Variants in SIRT1 observed in about 807,000 individuals in gnomAD.
SIRT1 encodes the protein sirtuin 1.
A neutral mutation model predicts 67.9 loss-of-function variants in SIRT1; 24 were observed. The ratio of observed to expected loss-of-function variants is 0.35; its 90% CI spans 0.26 to 0.50. The LOEUF is 0.50. Ranked by LOEUF, SIRT1 falls within the 20% of genes least tolerant of loss-of-function variation. The pLI is 0.98. For missense variants in SIRT1, 873 were observed against 937.2 expected (o/e 0.93, Z 0.89); for synonymous variants, 378 against 350.7 (o/e 1.08, Z -0.87).
intron 1 of SIRT1, among the ~76,000 whole-genome samples, chr10:67,887,125 G>C (rs1589066818): frequency 1.3e-5 from 2 of 152,146 alleles, no homozygotes; most frequent in South Asian, 4.1e-4. Context: ...GCCTGCCTCG[G>C]CCTCCCAAAG....
intron 7 of SIRT1, among the ~76,000 whole-genome samples, chr10:67,911,704 T>TCTTC (rs1162403789): frequency 3.6e-5 from 5 of 140,256 alleles, no homozygotes; most frequent in Non-Finnish European, 7.7e-5. Context: ...TCCCGTCCGT[T>TCTTC]CTTCCTTCCT....
intron 6 of SIRT1, among the ~76,000 whole-genome samples, chr10:67,908,492 G>A (rs1347476425): frequency 6.6e-6 from 1 of 152,066 alleles, no homozygotes; most frequent in African/African-American, 2.4e-5. Flanking sequence ...CATGTTCATT[G>A]CCAAAAAATA....
rs201854199 is a variant in SIRT1, at chr10:67,916,519, C to G, written c.2170C>G (p.Gln724Glu). The G allele has an allele frequency of 1.4e-5, 23 of 1,614,072 alleles. No homozygotes were observed. The Middle Eastern group carries it at 2.1e-3, about 150-fold the overall frequency. Residue 724 changes from glutamine (Q) to glutamate (E), a missense_variant, in exon 9 of 9, where the codon CAA (glutamine) becomes GAA (glutamate). This residue lies in a region of SIRT1 where 295 missense variants were observed against 294.5 expected (regional missense o/e 1.00). Coordinates refer to ENST00000212015, the MANE Select transcript of SIRT1 (RefSeq NM_012238.5). ...GAGFGTDGDD[Q>E]EAINEAISVK... ...TGGATTTGGGACTGATGGAGATGAT[C>G]AAGAGGCAATTAATGAAGCTATATC...
At chr10:67,885,578 G>GT (rs1373813891) in intron 1 of SIRT1, among the ~76,000 whole-genome samples, 1 of 117,618 alleles carries the variant, frequency 8.5e-6, no homozygotes, top group Non-Finnish European at 1.9e-5. Flanking sequence ...GTTGGTCTGC[G>GT]TTTTCAATTG....
rs1233941716 is a variant in SIRT1 at position 67,917,528 on chromosome 10, A to G, written c.*935A>G. 2 of 152,608 alleles carry G rather than the reference A, an allele frequency of 1.3e-5. No individual in the cohort carries two copies. Among genetic ancestry groups the G allele is most frequent in the Admixed American group, 1.3e-4 (2 of 15,272 alleles). The allele number at this position is 152,608 out of a possible 1,614,324, so 9.5% of individuals were successfully genotyped here. Reference sequence around the variant, plus strand: ...GCAAAGCCTTTCTGAATCTATAATAATGGTACTTCTACTGGGGAGAGTGTA... The same window carrying G: ...GCAAAGCCTTTCTGAATCTATAATAGTGGTACTTCTACTGGGGAGAGTGTA... On this transcript the variant is annotated 3_prime_UTR_variant, in exon 9 of 9. Transcript: ENST00000212015.
At chr10:67,912,359 T>C in intron 7 of SIRT1, 115 bp from the exon 8 acceptor site, 2 of 900,368 alleles carry the variant, frequency 2.2e-6, no homozygotes, top group Admixed American at 2.7e-5. Flanking sequence ...ATGGGTCTTT[T>C]TTGGGAATTT....
intron 4 of SIRT1, among the ~76,000 whole-genome samples, chr10:67,897,165 A>G (rs1305543253): frequency 2.0e-5 from 3 of 152,088 alleles, no homozygotes; most frequent in Non-Finnish European, 4.4e-5. Context: ...CAAAAAAAAA[A>G]GAAATTACTC....
chr10:67,909,227 T>C (rs1276104527), intron 6 of SIRT1, 29 bp from the exon 7 acceptor site: 18 of 1,540,528 alleles, frequency 1.2e-5, no homozygotes, highest in Non-Finnish European at 1.3e-5. Context: ...TTTGCTTCTC[T>C]ACCTCAACCA....
intron 4 of SIRT1, among the ~76,000 whole-genome samples, chr10:67,904,901 G>T (rs1240510311): frequency 6.6e-6 from 1 of 150,568 alleles, no homozygotes; most frequent in African/African-American, 2.4e-5. Flanking sequence ...CTTATGATTT[G>T]TCTTAAAGGT....
At chr10:67,898,112 T>C (rs1157797604) in intron 4 of SIRT1, among the ~76,000 whole-genome samples, 2 of 150,422 alleles carry the variant, frequency 1.3e-5, no homozygotes, top group African/African-American at 4.9e-5. Flanking sequence ...ATACAAAAAT[T>C]AGATGGATGT....
In SIRT1 at chr10:67,918,138, CATG is replaced by C. The variant is rs1394747259; in HGVS notation, c.*1549_*1551del. ...TGCAGTATATTTAGTTTTCCATTTG[CATG>C]ATGTTTGTGTGCTATAGATGATATT... is the stretch of plus-strand genomic sequence containing the variant. On this transcript the variant is annotated 3_prime_UTR_variant, in exon 9 of 9. Transcript: ENST00000212015. The C allele has an allele frequency of 6.6e-6, 1 of 152,552 alleles. No homozygotes were observed. The highest frequency in any genetic ancestry group is 2.4e-5 in the African/African-American group (1 of 41,420). The allele number at this position is 152,552 out of a possible 1,614,324, so 9.4% of individuals were successfully genotyped here. A position where few individuals can be genotyped will look rare whatever the true frequency, so the allele number is the denominator to read the frequency against.
At chr10:67,890,892 C>G (rs34124629) in intron 3 of SIRT1, among the ~76,000 whole-genome samples, 2 of 151,510 alleles carry the variant, frequency 1.3e-5, no homozygotes, top group Non-Finnish European at 2.9e-5. Context: ...CAGCCGGTCG[C>G]GGTGGCAGGC....
intron 4 of SIRT1, among the ~76,000 whole-genome samples, chr10:67,900,473 C>A (rs1842724964): frequency 6.6e-6 from 1 of 152,078 alleles, no homozygotes; most frequent in South Asian, 2.1e-4. Flanking sequence ...GACGGGGTCT[C>A]CTTCTGTTAT....
chr10:67,908,691 G>A lies in SIRT1; in HGVS notation c.1171-565G>A, dbSNP rs114240818. Among the ~76,000 whole-genome samples the A allele has an allele frequency of 6.1e-3, 930 of 152,236 alleles. 13 individuals carry two copies. Among genetic ancestry groups the A allele is most frequent in the African/African-American group, 0.021 (866 of 41,538 alleles). ...GGACGAGGTGGGTCGATCATTTGAGGTCAGAAGTGAGACCAGCCTGGCCAA... is the reference window on the plus strand; with the variant it reads ...GGACGAGGTGGGTCGATCATTTGAGATCAGAAGTGAGACCAGCCTGGCCAA... On this transcript the variant is annotated intron_variant, in intron 6 of 8. Transcript: ENST00000212015.
Position 67,888,870 on chromosome 10 carries a change from C to T in SIRT1, c.548-12C>T. ...GATAAGTTGACTTTAAGCCTTTTCC[C>T]CCTTATTGTAGGTCCATATACTTTT... On this transcript the variant is annotated splice_polypyrimidine_tract_variant and intron_variant, in intron 2 of 8. Coordinates refer to ENST00000212015, the MANE Select transcript of SIRT1 (RefSeq NM_012238.5). The T allele has an allele frequency of 6.3e-7, 1 of 1,581,950 alleles. No homozygotes were observed. Among genetic ancestry groups the T allele is most frequent in the South Asian group, 1.2e-5 (1 of 86,800 alleles).
At chr10:67,906,376 T>C in intron 4 of SIRT1, 1 of 1,340,204 alleles carries the variant, frequency 7.5e-7, no homozygotes, top group Non-Finnish European at 1.0e-6. Flanking sequence ...TATTCTTGTA[T>C]TGACAGTGCT....
In SIRT1 at chr10:67,884,800, T is replaced by C. The variant is rs899362289; in HGVS notation, c.79T>C (p.Ser27Pro). Residue 27 changes from serine (S) to proline (P), a missense_variant, in exon 1 of 9, where the codon TCC (serine) becomes CCC (proline). Ser to Pro is a moderately conservative substitution (Grantham distance 74). Transcript: ENST00000212015. ...AAGADREAAS[S>P]PAGEPLRKRP... is the part of the protein sequence containing the mutation. ...GGGGGCCGACAGGGAGGCCGCGTCG[T>C]CCCCCGCCGGGGAGCCGCTCCGCAA... 2 of 1,168,926 alleles carry C rather than the reference T, an allele frequency of 1.7e-6. No homozygotes were observed. Among genetic ancestry groups the C allele is most frequent in the Non-Finnish European group, 2.1e-6 (2 of 949,952 alleles). 72.4% of individuals were successfully genotyped at this position (1,168,926 alleles called of 1,614,324 possible).
At chr10:67,890,041 GTCA>G (rs1402779572) in intron 3 of SIRT1, among the ~76,000 whole-genome samples, 3 of 150,566 alleles carry the variant, frequency 2.0e-5, no homozygotes, top group Non-Finnish European at 4.4e-5. Context: ...GTGCAGTGGT[GTCA>G]TCATGGCTCA....
At chr10:67,892,557 CAAGAGT>C (rs1320698005) in intron 4 of SIRT1, among the ~76,000 whole-genome samples, 2 of 152,000 alleles carry the variant, frequency 1.3e-5, no homozygotes, top group African/African-American at 4.8e-5. Context: ...GGCAACAGAG[CAAGAGT>C]GTTTCCAAAA....
Sources: gnomAD v4.1 joint callset for allele counts (sites outside exome capture counted in the v4.1 genomes callset) on GRCh38, gnomAD v4.1.1 for gene constraint, gnomAD v4.1.1 regional missense constraint, MANE v1.5 for transcripts, NCBI Gene and HGNC (gene_info 2026-07-23, HGNC 2026-07-21) for gene names.